Variants in AKTIP observed in about 807,000 individuals in gnomAD.
The protein encoded by AKTIP is AKT-interacting protein.
In AKTIP, 16 loss-of-function variants were observed where a neutral mutation model predicts 39.1. That is an observed-to-expected ratio of 0.41 (90% CI 0.28 to 0.62). The LOEUF is 0.62. AKTIP is among the 20% of genes least tolerant of loss of function. The pLI, the probability that AKTIP is intolerant of heterozygous loss-of-function variation, is 0.32. For synonymous variants in AKTIP, 93 were observed against 124.3 expected (o/e 0.75, Z 1.67); for missense variants, 262 against 356.6 (o/e 0.73, Z 2.14).
chr16:53,501,150 T>TA (rs1410573743), intron 1 of AKTIP: 1 of 152,056 alleles, frequency 6.6e-6, no homozygotes, highest in Non-Finnish European at 1.5e-5. Context: ...GCCAAAGAAA[T>TA]AAGAGAAAAC....
rs1301962869 is a variant in AKTIP, at chr16:53,494,617, TAAAG to T, written c.415-16_415-13del. On this transcript the variant is annotated splice_polypyrimidine_tract_variant and intron_variant, in intron 5 of 9. Coordinates refer to ENST00000394657, the MANE Select transcript of AKTIP (RefSeq NM_022476.4). ...TCGAACACCAAGCGCTGTATTTAAA[TAAAG>T]AGAGACATGTCCTTTAATGGAAGCA... 4.3e-6 allele frequency: 7 copies of T among 1,612,370 alleles called. No homozygotes were observed. The highest frequency in any genetic ancestry group is 1.3e-5 in the African/African-American group (1 of 74,942).
In AKTIP at chr16:53,491,257, G is replaced by A. The variant is rs531562037; in HGVS notation, c.*1155C>T. On this transcript the variant is annotated 3_prime_UTR_variant, in exon 10 of 10. Coordinates refer to ENST00000394657, the MANE Select transcript of AKTIP (RefSeq NM_022476.4). The stretch of plus-strand genomic sequence containing the variant: ...GTTATCTAAAAGAAATGTCTATTAA[G>A]GTGATATATTTAAAAATATTTTTGG... 1 of 152,104 alleles carries A rather than the reference G, an allele frequency of 6.6e-6. No individual in the cohort carries two copies. Among genetic ancestry groups the A allele is most frequent in the South Asian group, 2.1e-4 (1 of 4,820 alleles). 9.4% of individuals were successfully genotyped at this position (152,104 alleles called of 1,614,324 possible). A position where few individuals can be genotyped will look rare whatever the true frequency, so the allele number is the denominator to read the frequency against.
At position 53,495,188 on chromosome 16, in the gene AKTIP, A is replaced by G. The variant is rs1321092382; in HGVS notation, c.314-15T>C. On this transcript the variant is annotated splice_polypyrimidine_tract_variant and intron_variant, in intron 4 of 9. Coordinates refer to ENST00000394657, the MANE Select transcript of AKTIP (RefSeq NM_022476.4). ...TCCAAACCACACTGTAGGAAAAAATAAAAGAGTTAAGGCCTAAATTTGTGT... is the reference window on the plus strand; with the variant it reads ...TCCAAACCACACTGTAGGAAAAAATGAAAGAGTTAAGGCCTAAATTTGTGT... 6.2e-7 allele frequency: 1 copy of G among 1,612,564 alleles called. No homozygotes were observed. The highest frequency in any genetic ancestry group is 8.5e-7 in the Non-Finnish European group (1 of 1,178,906).
intron 3 of AKTIP, among the ~76,000 whole-genome samples, chr16:53,496,044 C>A (rs759700729): frequency 6.6e-6 from 1 of 152,208 alleles, no homozygotes; most frequent in African/African-American, 2.4e-5. Context: ...AAAGGCTACA[C>A]TGGTTCTTCT....
At chr16:53,492,656 A>G (rs1181956220) in intron 9 of AKTIP, 37 bp downstream of exon 9, 4 of 1,610,670 alleles carry the variant, frequency 2.5e-6, no homozygotes, top group Non-Finnish European at 3.4e-6. Flanking sequence ...GAAAAGAAAC[A>G]ATGAGTTAGC....
intron 3 of AKTIP, among the ~76,000 whole-genome samples, chr16:53,495,732 TA>T (rs1345346961): frequency 1.3e-5 from 2 of 152,256 alleles, no homozygotes; most frequent in Non-Finnish European, 2.9e-5. Context: ...AGAGTATTTG[TA>T]AAATTATGCT....
chr16:53,492,803 T>G (rs1961572978), intron 8 of AKTIP, 50 bp from the exon 9 acceptor site: 3 of 1,548,940 alleles, frequency 1.9e-6, no homozygotes, highest in Non-Finnish European at 2.7e-6. Context: ...TCACTAAATT[T>G]CTATAACATT....
chr16:53,492,150 ATACT>A lies in AKTIP; in HGVS notation c.*258_*261del, dbSNP rs4002163. 5.9e-4 allele frequency: 234 copies of A among 396,878 alleles called. No individual in the cohort carries two copies. Among genetic ancestry groups the A allele is most frequent in the South Asian group, 1.2e-3 (28 of 23,708 alleles). 24.6% of individuals were successfully genotyped at this position (396,878 alleles called of 1,614,324 possible). A position where few individuals can be genotyped will look rare whatever the true frequency, so the allele number is the denominator to read the frequency against. ...TACCTTTAGCATTATATTCAGAAAA[ATACT>A]TACTTAAGCCTCAAGGTCCCCAATA... is the stretch of plus-strand genomic sequence containing the variant. On this transcript the variant is annotated 3_prime_UTR_variant, in exon 10 of 10. Coordinates refer to ENST00000394657, the MANE Select transcript of AKTIP (RefSeq NM_022476.4).
chr16:53,503,513 G>GC (rs568595451), upstream of AKTIP, among the ~76,000 whole-genome samples: 947 of 152,300 alleles, frequency 6.2e-3, 3 homozygotes, highest in Middle Eastern at 0.031. Context: ...GGAAGTATCG[G>GC]CCCCCCGGGG....
At chr16:53,498,618 G>C (rs750775020) in intron 2 of AKTIP, 22 bp from the exon 3 acceptor site, 1 of 1,606,848 alleles carries the variant, frequency 6.2e-7, no homozygotes, top group South Asian at 1.1e-5. Context: ...GAAGTTGTAA[G>C]AATATCTGTT....
chr16:53,499,904 T>C (rs1050094957), intron 2 of AKTIP, among the ~76,000 whole-genome samples: 2 of 152,224 alleles, frequency 1.3e-5, no homozygotes, highest in African/African-American at 4.8e-5. Context: ...CCCACAGCTG[T>C]TCTAACCGTA....
intron 1 of AKTIP, 172 bp downstream of exon 1, chr16:53,502,975 G>C (rs1039402512): frequency 6.6e-6 from 1 of 152,378 alleles, no homozygotes; most frequent in Non-Finnish European, 1.5e-5. Context: ...GCAGGTGCCT[G>C]CAAACGCGCA....
At chr16:53,499,276 ATGCAT>A (rs1962023528) in intron 2 of AKTIP, among the ~76,000 whole-genome samples, 1 of 152,214 alleles carries the variant, frequency 6.6e-6, no homozygotes, top group Admixed American at 6.5e-5. Flanking sequence ...TGTATATCAT[ATGCAT>A]TGCTCCAGTG....
At chr16:53,498,324 A>G (rs1286963790) in intron 3 of AKTIP, 67 bp downstream of exon 3, 4 of 1,524,524 alleles carry the variant, frequency 2.6e-6, no homozygotes, top group Non-Finnish European at 3.6e-6. Context: ...CATCCATCAG[A>G]ATAAATTTCA....
chr16:53,495,948 C>G (rs78659359), intron 3 of AKTIP, among the ~76,000 whole-genome samples: 3 of 152,294 alleles, frequency 2.0e-5, no homozygotes, highest in East Asian at 3.9e-4. Context: ...AATGGACACC[C>G]TGATGCAGAG....
rs755278060 is a variant in AKTIP at position 53,495,098 on chromosome 16, T to G, written c.389A>C (p.Asp130Ala). The stretch of plus-strand genomic sequence containing the variant: ...TGGACAGTCACCATCTGGATAGTTA[T>G]CAGGGATGTAAACTGTAAACTTAAA... ...GVFKFTVYIP[D>A]NYPDGDCPRL... The change falls in exon 5 of 10, where the codon GAT (aspartate) becomes GCT (alanine). Residue 130 changes from aspartate to alanine, a missense_variant. This residue lies in a region of AKTIP where 25 missense variants were observed against 38.4 expected (regional missense o/e 0.65). Coordinates refer to ENST00000394657, the MANE Select transcript of AKTIP (RefSeq NM_022476.4). 12 of 1,614,006 alleles carry G rather than the reference T, an allele frequency of 7.4e-6. No homozygotes were observed. The Admixed American group carries it at 1.8e-4, about 25-fold the overall frequency.
rs767526644 is a variant in AKTIP, at chr16:53,495,124, T to A, written c.363A>T (p.Val121=). ...FIRHGLYQDG[V]FKFTVYIPDN... ...CAGGGATGTAAACTGTAAACTTAAA[T>A]ACGCCATCTTGGTAAAGTCCATGCC... is the stretch of plus-strand genomic sequence containing the variant. The change falls in exon 5 of 10, where the codon GTA becomes GTT. Residue 121 remains valine (V), a synonymous_variant. Transcript: ENST00000394657. 1.9e-6 allele frequency: 3 copies of A among 1,614,196 alleles called. No individual in the cohort carries two copies. The Admixed American group carries it at 5.0e-5, about 27-fold the overall frequency.
At chr16:53,498,126 C>G (rs1677328511) in intron 3 of AKTIP, among the ~76,000 whole-genome samples, 1 of 152,234 alleles carries the variant, frequency 6.6e-6, no homozygotes, top group African/African-American at 2.4e-5. Context: ...TTAAAGTACC[C>G]TCTGCCTTTA....
At chr16:53,495,434 G>A in intron 3 of AKTIP, 108 bp from the exon 4 acceptor site, 1 of 1,029,132 alleles carries the variant, frequency 9.7e-7, no homozygotes, top group South Asian at 1.4e-5. Flanking sequence ...ATGGGCAGCT[G>A]ATGCCCAAAC....
Sources: allele counts gnomAD v4.1 joint callset (sites outside exome capture counted in the v4.1 genomes callset), GRCh38; gene constraint gnomAD v4.1.1; regional missense constraint gnomAD v4.1.1; transcripts MANE v1.5; gene names NCBI Gene and HGNC (gene_info 2026-07-23, HGNC 2026-07-21).